EHD4: variants seen among roughly 807,000 people sequenced by gnomAD.
EHD4 encodes EH domain-containing protein 4.
A neutral mutation model predicts 51.0 loss-of-function variants in EHD4; 37 were observed. The observed-to-expected ratio is 0.73, with a 90% CI of 0.56 to 0.95. EHD4 has a LOEUF of 0.95. Ranked by LOEUF, EHD4 falls within the 40% of genes least tolerant of loss-of-function variation. The pLI, the probability that EHD4 is intolerant of heterozygous loss-of-function variation, is 0.00. For synonymous variants in EHD4, 297 were observed against 317.3 expected, an observed-to-expected ratio of 0.94 and a Z score of 0.68; for missense variants, 632 against 733.1, an observed-to-expected ratio of 0.86 and a Z score of 1.59.
At chr15:41,928,547 C>T (rs543326346) in intron 3 of EHD4, 2 of 152,230 alleles carry the variant, frequency 1.3e-5, no homozygotes, top group Non-Finnish European at 2.9e-5. Flanking sequence ...TTGTGGTTTC[C>T]TAAGTGTTCT....
chr15:41,967,201 C>T (rs557376626), intron 1 of EHD4, among the ~76,000 whole-genome samples: 4 of 152,344 alleles, frequency 2.6e-5, no homozygotes, highest in South Asian at 4.1e-4. Flanking sequence ...ACTCCCTGGC[C>T]CTCTTTGGGC....
At chr15:41,971,068 T>A (rs930178754) in intron 1 of EHD4, among the ~76,000 whole-genome samples, 3 of 152,264 alleles carry the variant, frequency 2.0e-5, no homozygotes, top group Non-Finnish European at 2.9e-5. Context: ...GACATTTCAA[T>A]ACACAGTATA....
At chr15:41,949,437 A>C (rs1186310808) in intron 2 of EHD4, among the ~76,000 whole-genome samples, 1 of 152,184 alleles carries the variant, frequency 6.6e-6, no homozygotes, top group Non-Finnish European at 1.5e-5. Flanking sequence ...TCGCTTAATT[A>C]CAAATACAGA....
chr15:41,952,584 G>T (rs1455227644), intron 2 of EHD4, among the ~76,000 whole-genome samples: 2 of 152,174 alleles, frequency 1.3e-5, no homozygotes, highest in Non-Finnish European at 2.9e-5. Context: ...CAGGCCAGCA[G>T]CCCTCAGTTC....
chr15:41,933,783 A>C (rs1264788967), intron 3 of EHD4, among the ~76,000 whole-genome samples: 1 of 152,154 alleles, frequency 6.6e-6, no homozygotes, highest in Admixed American at 6.5e-5. Context: ...ACTTAAAAAA[A>C]TTCCTTCTTT....
intron 1 of EHD4, among the ~76,000 whole-genome samples, chr15:41,958,031 C>A (rs530016607): frequency 6.6e-6 from 1 of 152,114 alleles, no homozygotes; most frequent in South Asian, 2.1e-4. Context: ...TTAGACATTT[C>A]TCACGGTGGG....
intron 5 of EHD4, among the ~76,000 whole-genome samples, chr15:41,906,348 C>T (rs1203386028): frequency 6.6e-6 from 1 of 152,254 alleles, no homozygotes; most frequent in African/African-American, 2.4e-5. Flanking sequence ...ACCCCAGACT[C>T]AGCCACACTG....
chr15:41,924,579 A>AG (rs2067648945), intron 3 of EHD4, among the ~76,000 whole-genome samples: 1 of 152,174 alleles, frequency 6.6e-6, no homozygotes, highest in South Asian at 2.1e-4. Context: ...CCTGGCATAC[A>AG]GGGGGGATGC....
At chr15:41,956,277 G>A (rs182070589) in intron 1 of EHD4, among the ~76,000 whole-genome samples, 17 of 152,192 alleles carry the variant, frequency 1.1e-4, no homozygotes, top group Non-Finnish European at 2.4e-4. Context: ...GGTGGCTCGC[G>A]GCAACACGGC....
At position 41,901,165 on chromosome 15, in the gene EHD4, T is replaced by G. The variant is rs753698193; in HGVS notation, c.1106A>C (p.Tyr369Ser). The stretch of plus-strand genomic sequence containing the variant: ...CAGCGAGTGGAATTTGGTGAAGTCA[T>G]AGTTCTCAAGCTGTTCCTGCAGAAG... The part of the protein sequence containing the change: ...VKAMQEQLEN[Y>S]DFTKFHSLKP... Residue 369 changes from tyrosine (Y) to serine (S), a missense_variant, in exon 6 of 6, where the codon TAT becomes TCT. By Grantham distance (144) the Tyr-to-Ser change is moderately radical (BLOSUM62 -2). Transcript: ENST00000220325. 3 of 1,559,792 alleles carry G rather than the reference T, an allele frequency of 1.9e-6. No homozygotes were observed. In the African/African-American group the frequency reaches 4.1e-5, roughly 21 times the overall value.
Position 41,919,454 on chromosome 15 carries a change from A to G in EHD4, c.680T>C (p.Val227Ala). Reference protein sequence around the residue: ...IRVVLNKADQVDTQQLMRVYG... With the variant: ...IRVVLNKADQADTQQLMRVYG... ...GACCCGCATCAGCTGCTGCGTGTCC[A>G]CTTGGTCGGCCTTGTTCAGCACGAC... Residue 227 changes from valine (V) to alanine (A), a missense_variant, in exon 4 of 6, where the codon GTG becomes GCG. By Grantham distance (64) the Val-to-Ala change is moderately conservative. Transcript: ENST00000220325. The G allele has an allele frequency of 1.3e-6, 2 of 1,574,830 alleles. No individual in the cohort carries two copies. Among genetic ancestry groups the G allele is most frequent in the Non-Finnish European group, 1.7e-6 (2 of 1,159,848 alleles).
chr15:41,952,994 C>T (rs78326214), intron 2 of EHD4, among the ~76,000 whole-genome samples: 2 of 102,942 alleles, frequency 1.9e-5, no homozygotes, highest in African/African-American at 7.7e-5. Context: ...TATCTTCCCC[C>T]CCGCAAAAAA....
chr15:41,937,710 G>A (rs1162183516), intron 3 of EHD4, among the ~76,000 whole-genome samples: 2 of 152,120 alleles, frequency 1.3e-5, no homozygotes, highest in South Asian at 2.1e-4. Context: ...TTCAAAATCC[G>A]GTCTTTTGTC....
At chr15:41,943,938 T>C (rs950588140) in intron 2 of EHD4, among the ~76,000 whole-genome samples, 2 of 152,156 alleles carry the variant, frequency 1.3e-5, no homozygotes, top group South Asian at 2.1e-4. Flanking sequence ...GGGGACCAGG[T>C]TGGGGAAGGC....
intron 2 of EHD4, among the ~76,000 whole-genome samples, 160 bp from the exon 3 acceptor site, chr15:41,943,324 T>C (rs919087090): frequency 1.3e-5 from 2 of 152,098 alleles, no homozygotes; most frequent in African/African-American, 4.8e-5. Context: ...GTTTGTGAAG[T>C]AGGAGCTTGG....
intron 3 of EHD4, among the ~76,000 whole-genome samples, chr15:41,922,234 A>G (rs758613888): frequency 4.6e-5 from 7 of 151,994 alleles, no homozygotes; most frequent in Non-Finnish European, 8.8e-5. Context: ...AAAAAATAAA[A>G]ACAAATTAAC....
At chr15:41,940,628 A>G (rs939941436) in intron 3 of EHD4, among the ~76,000 whole-genome samples, 1 of 152,270 alleles carries the variant, frequency 6.6e-6, no homozygotes, top group Non-Finnish European at 1.5e-5. Flanking sequence ...TGTGGCAGGG[A>G]CCGCCGACTG....
intron 4 of EHD4, among the ~76,000 whole-genome samples, chr15:41,917,066 C>T (rs556617347): frequency 6.6e-5 from 10 of 152,114 alleles, no homozygotes; most frequent in South Asian, 4.2e-4. Context: ...CGGGTTAAGG[C>T]GCTTGGCATT....
intron 3 of EHD4, among the ~76,000 whole-genome samples, chr15:41,941,315 G>A (rs1464543521): frequency 6.6e-6 from 1 of 152,234 alleles, no homozygotes; most frequent in African/African-American, 2.4e-5. Context: ...GGCATGGAAT[G>A]ATGTCCAAGG....
Sources: gnomAD v4.1 joint callset for allele counts (sites outside exome capture counted in the v4.1 genomes callset) on GRCh38, gnomAD v4.1.1 for gene constraint, MANE v1.5 for transcripts, NCBI Gene and HGNC (gene_info 2026-07-23, HGNC 2026-07-21) for gene names.